Variants in SATL1 observed in about 807,000 individuals in gnomAD.
SATL1 encodes spermidine/spermine N(1)-acetyltransferase-like protein 1.
A neutral mutation model predicts 51.8 loss-of-function variants in SATL1; 47 were observed. The observed-to-expected ratio is 0.91, with a 90% CI of 0.72 to 1.16. The LOEUF is 1.16. Among genes scored for constraint, SATL1 ranks in the 50% most tolerant of loss-of-function variants. The probability of loss-of-function intolerance (pLI) is 0.00; values close to 1 mark genes in which losing one functional copy is unlikely to be tolerated. For missense variants in SATL1, 520 were observed against 526.4 expected (o/e 0.99, Z 0.12); for synonymous variants, 176 against 182.4 (o/e 0.97, Z 0.28).
intron 1 of SATL1, among the ~76,000 whole-genome samples, chrX:85,234,139 G>C (rs1928435798): frequency 9.0e-6 from 1 of 110,589 alleles, no homozygotes; most frequent in Non-Finnish European, 1.9e-5. Flanking sequence ...AGAGTGGCAT[G>C]ACATATTTAA....
At chrX:85,242,980 C>T (rs1928665387) in intron 1 of SATL1, among the ~76,000 whole-genome samples, 1 of 111,795 alleles carries the variant, frequency 8.9e-6, no homozygotes, top group African/African-American at 3.3e-5. Context: ...AAAATATTTA[C>T]TATCCGGCCC....
chrX:85,239,115 A>C (rs1928535264), intron 1 of SATL1, among the ~76,000 whole-genome samples: 1 of 110,966 alleles, frequency 9.0e-6, no homozygotes, highest in African/African-American at 3.3e-5. Context: ...ACGATTAATA[A>C]AATAAAATAA....
chrX:85,197,061 G>A (rs1927581326), intron 2 of SATL1, among the ~76,000 whole-genome samples: 1 of 111,807 alleles, frequency 8.9e-6, no homozygotes, highest in Admixed American at 9.6e-5. Flanking sequence ...GAGAGTAAGA[G>A]AGTGAGAGAA....
chrX:85,118,688 T>G (rs1195923734), intron 2 of SATL1, among the ~76,000 whole-genome samples: 1 of 111,739 alleles, frequency 8.9e-6, no homozygotes, highest in Non-Finnish European at 1.9e-5. Context: ...TTAAATAAAA[T>G]TGAAGTCATA....
intron 1 of SATL1, among the ~76,000 whole-genome samples, chrX:85,236,968 C>T (rs1006854371): frequency 1.3e-4 from 15 of 111,252 alleles, no homozygotes; most frequent in East Asian, 5.6e-4. Flanking sequence ...AGTAACATTA[C>T]GGGATACGAA....
chrX:85,203,879 T>G (rs1468605559), intron 2 of SATL1, among the ~76,000 whole-genome samples: 3 of 112,441 alleles, frequency 2.7e-5, no homozygotes, highest in African/African-American at 9.7e-5. Flanking sequence ...AAGTGAGGCT[T>G]GTGGGCTGTT....
At chrX:85,137,691 G>A (rs896983631) in intron 2 of SATL1, among the ~76,000 whole-genome samples, 13 of 111,445 alleles carry the variant, frequency 1.2e-4, no homozygotes, top group Admixed American at 2.9e-4. Context: ...TCTGTGGTTT[G>A]GTGTCTGCTA....
intron 1 of SATL1, among the ~76,000 whole-genome samples, chrX:85,230,975 G>A (rs1420164848): frequency 8.9e-6 from 1 of 111,761 alleles, no homozygotes; most frequent in African/African-American, 3.2e-5. Flanking sequence ...TATTGGTATG[G>A]CCATTATGGA....
chrX:85,208,825 A>T (rs1306703050), intron 2 of SATL1: 1 of 107,349 alleles, frequency 9.3e-6, no homozygotes, highest in Non-Finnish European at 1.9e-5. Context: ...AGATTGTAAA[A>T]TTTTTCTCCC....
chrX:85,201,393 C>T (rs145051243), intron 2 of SATL1, among the ~76,000 whole-genome samples: 2,811 of 111,115 alleles, frequency 0.025, 92 homozygotes, highest in African/African-American at 0.087. Context: ...TCGTGTGCCA[C>T]TGTATACCCT....
At chrX:85,096,853 C>T (rs1924736696) in intron 4 of SATL1, among the ~76,000 whole-genome samples, 1 of 86,391 alleles carries the variant, frequency 1.2e-5, no homozygotes, top group Non-Finnish European at 2.2e-5. Context: ...CCCCCCACCC[C>T]AGCCCCCTCA....
intron 2 of SATL1, among the ~76,000 whole-genome samples, chrX:85,168,294 G>A (rs1191395231): frequency 9.0e-6 from 1 of 111,139 alleles, no homozygotes; most frequent in African/African-American, 3.3e-5. Context: ...TAAGGCAAGA[G>A]AAGAAATAAA....
intron 2 of SATL1, among the ~76,000 whole-genome samples, chrX:85,124,242 A>G (rs1399283345): frequency 5.4e-5 from 6 of 111,522 alleles, no homozygotes; most frequent in Non-Finnish European, 1.1e-4. Flanking sequence ...TATCTTTTAC[A>G]TTATAGATTC....
intron 2 of SATL1, among the ~76,000 whole-genome samples, chrX:85,131,432 G>T (rs1167308412): frequency 2.7e-5 from 3 of 110,618 alleles, no homozygotes; most frequent in Non-Finnish European, 5.7e-5. Context: ...GGTCTTTGCT[G>T]GTTTAAAGTC....
intron 2 of SATL1, among the ~76,000 whole-genome samples, chrX:85,206,601 G>A (rs1412878939): frequency 2.7e-5 from 3 of 111,223 alleles, no homozygotes; most frequent in African/African-American, 6.5e-5. Context: ...ACAGAAGCAA[G>A]CCTGAAATAA....
In SATL1 at chrX:85,120,078, C is replaced by T. The variant is rs189411214; in HGVS notation, c.-312-10798G>A. On this transcript the variant is annotated intron_variant, in intron 2 of 7. Coordinates refer to ENST00000644105, the MANE Select transcript of SATL1 (RefSeq NM_001367857.2). ...TCAAATAGTCCTCCTTTTAAACTGCCTAGTAACCCAACAAAATATTACTGT... is the reference window on the plus strand; with the variant it reads ...TCAAATAGTCCTCCTTTTAAACTGCTTAGTAACCCAACAAAATATTACTGT... Among the ~76,000 whole-genome samples, 4 of 111,240 alleles carry T rather than the reference C, an allele frequency of 3.6e-5. No individual in the cohort carries two copies. In the East Asian group the frequency reaches 1.1e-3, roughly 31 times the overall value.
intron 2 of SATL1, among the ~76,000 whole-genome samples, chrX:85,126,538 C>G (rs1225194675): frequency 1.8e-4 from 20 of 111,449 alleles, no homozygotes; most frequent in African/African-American, 6.2e-4. Context: ...TTTACCACTA[C>G]TGCCGCTTTC....
intron 2 of SATL1, among the ~76,000 whole-genome samples, chrX:85,120,711 C>T (rs1925484652): frequency 1.8e-5 from 2 of 111,905 alleles, no homozygotes; most frequent in South Asian, 7.3e-4. Context: ...AATAAGTACT[C>T]ATTAGATGCT....
At chrX:85,118,647 T>C (rs184122125) in intron 2 of SATL1, among the ~76,000 whole-genome samples, 27 of 112,100 alleles carry the variant, frequency 2.4e-4, no homozygotes, top group African/African-American at 8.4e-4. Context: ...ATCCTTCTAC[T>C]CTTTTCTTTT....
Sources: gnomAD v4.1 joint callset for allele counts (sites outside exome capture counted in the v4.1 genomes callset) on GRCh38, gnomAD v4.1.1 for gene constraint, MANE v1.5 for transcripts, NCBI Gene and HGNC (gene_info 2026-07-23, HGNC 2026-07-21) for gene names.